The following ATP2C1 variants were observed in gnomAD, a reference collection of about 807,000 sequenced individuals.
The protein encoded by ATP2C1 is calcium-transporting ATPase type 2C member 1.
A neutral mutation model predicts 120.5 loss-of-function variants in ATP2C1; 31 were observed. That is an observed-to-expected ratio of 0.26 (90% CI 0.19 to 0.35). The LOEUF is 0.35. Among genes scored for constraint, ATP2C1 ranks in the 10% least tolerant of loss-of-function variants. ATP2C1 has a pLI of 1.00. For missense variants in ATP2C1, 731 were observed against 1,107.5 expected (o/e 0.66, Z 4.83); for synonymous variants, 351 against 358.7 (o/e 0.98, Z 0.24).
chr3:130,883,408 T>C (rs1302955313), intron 1 of ATP2C1, among the ~76,000 whole-genome samples: 1 of 152,166 alleles, frequency 6.6e-6, no homozygotes, highest in Non-Finnish European at 1.5e-5. Context: ...CTATTGCTTT[T>C]CTAATTTTTT....
intron 9 of ATP2C1, 25 bp downstream of exon 9, chr3:130,954,001 A>G: frequency 6.2e-7 from 1 of 1,612,948 alleles, no homozygotes. Flanking sequence ...TGATTTGAAA[A>G]AAGCAGTTCC....
At chr3:130,868,011 C>T (rs1276141765) in intron 1 of ATP2C1, 1 of 166,480 alleles carries the variant, frequency 6.0e-6, no homozygotes, top group Non-Finnish European at 1.3e-5. Flanking sequence ...AACCCTCTGC[C>T]TGGCAACCGC....
chr3:131,001,104 GAAAAAAAAAAAAA>G lies in ATP2C1; in HGVS notation c.2630-105_2630-93del, dbSNP rs11403338. 4.4e-5 allele frequency: 15 copies of G among 340,908 alleles called. 1 individual carries two copies. In the Admixed American group the frequency reaches 6.4e-4, roughly 15 times the overall value. 21.1% of individuals were successfully genotyped at this position (340,908 alleles called of 1,614,324 possible). A position where few individuals can be genotyped will look rare whatever the true frequency, so the allele number is the denominator to read the frequency against. On this transcript the variant is annotated intron_variant, in intron 27 of 27. Transcript: ENST00000510168. ...GGTGACAGAGCAAGACTTCATCTCA[GAAAAAAAAAAAAA>G]AAAAAAAAAAGTTGTGTTAAAATGC... is the stretch of plus-strand genomic sequence containing the variant.
intron 8 of ATP2C1, among the ~76,000 whole-genome samples, chr3:130,947,519 A>C (rs1157332066): frequency 2.0e-5 from 3 of 152,326 alleles, no homozygotes; most frequent in Non-Finnish European, 4.4e-5. Context: ...TATAAGTAGA[A>C]TCATACAATA....
chr3:130,886,937 T>C (rs2068988978), intron 1 of ATP2C1, among the ~76,000 whole-genome samples: 1 of 152,208 alleles, frequency 6.6e-6, no homozygotes, highest in South Asian at 2.1e-4. Context: ...GTATTTATTG[T>C]AGTCTTCACA....
At chr3:130,880,359 C>G (rs2068742367) in intron 1 of ATP2C1, among the ~76,000 whole-genome samples, 1 of 152,144 alleles carries the variant, frequency 6.6e-6, no homozygotes, top group Non-Finnish European at 1.5e-5. Context: ...CTTACCTGTT[C>G]CCACTCATAG....
rs190427575 is a variant in ATP2C1, at chr3:130,986,893, G to C, written c.1840-6058G>C. Among the ~76,000 whole-genome samples, 10 of 31,152 alleles carry C rather than the reference G, an allele frequency of 3.2e-4. No individual in the cohort carries two copies. In the East Asian group the frequency reaches 5.2e-3, roughly 16 times the overall value. 20.4% of individuals were successfully genotyped at this position (31,152 alleles called of 152,430 possible). On this transcript the variant is annotated intron_variant, in intron 20 of 27. Transcript: ENST00000510168. Reference sequence around the variant, plus strand: ...GTTTAGTTTAGTTTAGTTTAGTTTAGTTTAGTTTAGTTTAGTTTAGTTTAG... The same window carrying C: ...GTTTAGTTTAGTTTAGTTTAGTTTACTTTAGTTTAGTTTAGTTTAGTTTAG...
At position 130,854,912 on chromosome 3, in the gene ATP2C1, A is replaced by T. The variant is rs141994524; in HGVS notation, c.108+3984A>T. ...GATATCTCCATCTGAATGTCTTGTG[A>T]ATGTTGCAGACTGAATGTGTCCAAA... On this transcript the variant is annotated intron_variant, in intron 1 of 26. Transcript: ENST00000504381. Among the ~76,000 whole-genome samples, 701 of 152,290 alleles carry T rather than the reference A, an allele frequency of 4.6e-3. 3 individuals carry two copies. Among genetic ancestry groups the T allele is most frequent in the Non-Finnish European group, 5.8e-3 (398 of 68,036 alleles).
At chr3:130,919,018 C>G in intron 2 of ATP2C1, 1 of 455,228 alleles carries the variant, frequency 2.2e-6, no homozygotes, top group Non-Finnish European at 4.4e-6. Flanking sequence ...AAACAAAAAG[C>G]AGTAGCGGTG....
rs201420573 is a variant in ATP2C1 at position 130,882,212 on chromosome 3, C to CT, written c.108+31297dup. On this transcript the variant is annotated intron_variant, in intron 1 of 26. Transcript: ENST00000504381. ...TCTGTCATATACTTTTTTCTTTCTT[C>CT]TTTTTTTTTTTTTCTCACTCTGTTG... 2.0e-3 allele frequency among the ~76,000 whole-genome samples: 289 copies of CT among 144,842 alleles called. 1 individual carries two copies. Among genetic ancestry groups the CT allele is most frequent in the South Asian group, 0.012 (53 of 4,568 alleles).
chr3:130,889,342 A>C (rs996948468), upstream of ATP2C1, among the ~76,000 whole-genome samples: 1 of 152,230 alleles, frequency 6.6e-6, no homozygotes, highest in Non-Finnish European at 1.5e-5. Context: ...AAATGACCTT[A>C]TTCGAGGACC....
chr3:131,013,428 A>C (rs1386103060), intron 26 of ATP2C1, among the ~76,000 whole-genome samples: 1 of 152,168 alleles, frequency 6.6e-6, no homozygotes. Flanking sequence ...TGCTGCATAT[A>C]TCTCTTGATA....
At chr3:130,857,365 C>T (rs2067874685) in intron 1 of ATP2C1, among the ~76,000 whole-genome samples, 1 of 152,204 alleles carries the variant, frequency 6.6e-6, no homozygotes, top group South Asian at 2.1e-4. Flanking sequence ...ATATCACCAT[C>T]CTGATATTTA....
At chr3:130,992,235 A>T (rs2062389678) in intron 20 of ATP2C1, among the ~76,000 whole-genome samples, 1 of 152,112 alleles carries the variant, frequency 6.6e-6, no homozygotes, top group Admixed American at 6.5e-5. Context: ...TAGGGATGGT[A>T]GTGTTTTGTG....
chr3:130,930,784 T>C (rs528259076), intron 3 of ATP2C1, among the ~76,000 whole-genome samples: 1 of 152,250 alleles, frequency 6.6e-6, no homozygotes, highest in East Asian at 1.9e-4. Context: ...TAAATTTATT[T>C]AAATAACTAC....
chr3:130,955,104 T>C (rs746995888), intron 10 of ATP2C1, 24 bp downstream of exon 10: 2 of 1,496,974 alleles, frequency 1.3e-6, no homozygotes, highest in Non-Finnish European at 1.9e-6. Context: ...ATGTTAATGA[T>C]GTATTTGTTC....
At chr3:130,966,401 C>T (rs564253969) in intron 14 of ATP2C1, among the ~76,000 whole-genome samples, 1 of 152,074 alleles carries the variant, frequency 6.6e-6, no homozygotes, top group Non-Finnish European at 1.5e-5. Context: ...TTTTATCTCT[C>T]AATTAATGTC....
chr3:130,857,833 C>T (rs183166358), intron 1 of ATP2C1, among the ~76,000 whole-genome samples: 1 of 152,250 alleles, frequency 6.6e-6, no homozygotes, highest in East Asian at 1.9e-4. Context: ...TCACATGAGT[C>T]ACACGATCAC....
upstream of ATP2C1, among the ~76,000 whole-genome samples, chr3:130,889,116 A>G (rs924709819): frequency 6.6e-6 from 1 of 152,182 alleles, no homozygotes; most frequent in Non-Finnish European, 1.5e-5. Context: ...ACAGGATGCC[A>G]TTCTATTGCA....
Sources: allele counts gnomAD v4.1 joint callset (sites outside exome capture counted in the v4.1 genomes callset), GRCh38; gene constraint gnomAD v4.1.1; transcripts MANE v1.5; gene names NCBI Gene and HGNC (gene_info 2026-07-23, HGNC 2026-07-21).